Variants in COA1 observed in about 807,000 individuals in gnomAD.
COA1 encodes the protein cytochrome c oxidase assembly factor 1 homolog.
In COA1, 13 loss-of-function variants were observed where a neutral mutation model predicts 16.0. The ratio of observed to expected loss-of-function variants is 0.81; its 90% CI spans 0.53 to 1.29. The LOEUF (loss-of-function observed/expected upper bound fraction) is 1.29. Ranked by LOEUF, COA1 falls within the 50% of genes most tolerant of loss-of-function variation. The pLI is 0.00. For missense variants in COA1, 179 were observed against 177.0 expected (o/e 1.01, Z -0.06); for synonymous variants, 65 against 65.7 (o/e 0.99, Z 0.05).
intron 6 of COA1, chr7:43,624,031 G>A (rs2084215975): frequency 3.5e-6 from 2 of 575,816 alleles, no homozygotes; most frequent in Non-Finnish European, 5.3e-6. Flanking sequence ...ACACAAAAAT[G>A]TTGACATAAA....
At chr7:43,706,409 A>G (rs982331078) in intron 1 of COA1, among the ~76,000 whole-genome samples, 7 of 151,998 alleles carry the variant, frequency 4.6e-5, no homozygotes, top group East Asian at 1.9e-4. Context: ...TTAACCAGAC[A>G]TGGTGGCACA....
At chr7:43,710,390 ATATATT>A (rs1292488949) in intron 1 of COA1, among the ~76,000 whole-genome samples, 3 of 137,088 alleles carry the variant, frequency 2.2e-5, no homozygotes, top group Non-Finnish European at 4.7e-5. Flanking sequence ...ATATATATAT[ATATATT>A]TTTAAGATAT....
rs889464191 is a variant in COA1, at chr7:43,716,045, T to A, written c.-39+13384A>T. On this transcript the variant is annotated intron_variant, in intron 1 of 5. Coordinates refer to ENST00000223336, the MANE Select transcript of COA1 (RefSeq NM_018224.4). ...TGATTGTGAGGCTTCCCCAGCCACATGGAACTGTAAGTCCAATTAAACCTC... is the reference window on the plus strand; with the variant it reads ...TGATTGTGAGGCTTCCCCAGCCACAAGGAACTGTAAGTCCAATTAAACCTC... Among the ~76,000 whole-genome samples the A allele has an allele frequency of 4.6e-5, 7 of 152,218 alleles. No homozygotes were observed. The South Asian group carries it at 1.4e-3, about 32-fold the overall frequency.
intron 2 of COA1, 108 bp from the exon 3 acceptor site, chr7:43,647,742 G>T: frequency 1.3e-6 from 1 of 783,036 alleles, no homozygotes; most frequent in Non-Finnish European, 2.1e-6. Context: ...AGCCAGAAAG[G>T]AGGCCAGACC....
At chr7:43,678,029 C>G (rs1488883599) in intron 1 of COA1, among the ~76,000 whole-genome samples, 2 of 152,092 alleles carry the variant, frequency 1.3e-5, no homozygotes, top group Non-Finnish European at 2.9e-5. Flanking sequence ...CAATTTCCCT[C>G]CTAGAGGATT....
At chr7:43,683,484 G>C (rs1272206196) in intron 1 of COA1, among the ~76,000 whole-genome samples, 1 of 151,908 alleles carries the variant, frequency 6.6e-6, no homozygotes, top group East Asian at 1.9e-4. Context: ...AATACAAAAA[G>C]TTAGCCAGGC....
intron 1 of COA1, among the ~76,000 whole-genome samples, chr7:43,674,044 G>A (rs1260000670): frequency 1.3e-5 from 2 of 152,074 alleles, no homozygotes; most frequent in African/African-American, 4.8e-5. Flanking sequence ...CTACCTATCA[G>A]GTTCTATGCT....
chr7:43,704,992 C>A (rs1585235297), intron 1 of COA1, among the ~76,000 whole-genome samples: 1 of 152,154 alleles, frequency 6.6e-6, no homozygotes, highest in South Asian at 2.1e-4. Context: ...TTTTTATATT[C>A]TTTGATGCTC....
chr7:43,690,412 TAC>T (rs1431747351), intron 1 of COA1, among the ~76,000 whole-genome samples: 1 of 152,108 alleles, frequency 6.6e-6, no homozygotes, highest in Non-Finnish European at 1.5e-5. Context: ...TATATGTATG[TAC>T]AGACACACAT....
chr7:43,687,770 A>G (rs964882988), intron 1 of COA1, among the ~76,000 whole-genome samples: 6 of 152,160 alleles, frequency 3.9e-5, no homozygotes, highest in African/African-American at 1.4e-4. Context: ...TGAGCATCCC[A>G]AAACCTAAAA....
At chr7:43,647,724 A>T (rs1019793023) in intron 2 of COA1, 90 bp from the exon 3 acceptor site, 1 of 954,344 alleles carries the variant, frequency 1.0e-6, no homozygotes, top group African/African-American at 1.6e-5. Flanking sequence ...GGAAAGAAGC[A>T]TTAAGGAAGC....
rs146910163 is a variant in COA1 at position 43,726,914 on chromosome 7, A to C, written c.-39+2515T>G. 2.6e-4 allele frequency among the ~76,000 whole-genome samples: 40 copies of C among 152,378 alleles called. No individual in the cohort carries two copies. In the East Asian group the frequency reaches 4.2e-3, roughly 16 times the overall value. On this transcript the variant is annotated intron_variant, in intron 1 of 5. Coordinates refer to ENST00000223336, the MANE Select transcript of COA1 (RefSeq NM_018224.4). ...CTCCAAAGAAGATAAATAAATGGGC[A>C]ATAAGCACTTGAAAAGATGCTCAAC... is the stretch of plus-strand genomic sequence containing the variant.
intron 1 of COA1, among the ~76,000 whole-genome samples, chr7:43,667,089 G>A (rs1293750510): frequency 2.0e-5 from 3 of 152,224 alleles, no homozygotes; most frequent in Non-Finnish European, 4.4e-5. Flanking sequence ...ATAAATTAAT[G>A]CAAGGGTAAA....
At chr7:43,707,158 C>A (rs1563437638) in intron 1 of COA1, among the ~76,000 whole-genome samples, 1 of 152,186 alleles carries the variant, frequency 6.6e-6, no homozygotes, top group Non-Finnish European at 1.5e-5. Flanking sequence ...CCACTGCACT[C>A]CAGCCTGAGT....
chr7:43,613,958 A>T (rs1205587630), intron 6 of COA1, among the ~76,000 whole-genome samples: 1 of 152,214 alleles, frequency 6.6e-6, no homozygotes, highest in African/African-American at 2.4e-5. Context: ...ACTTGAAAGC[A>T]GGGGTAATAA....
chr7:43,647,553 C>A lies in COA1; in HGVS notation c.97G>T (p.Val33Leu). The A allele has an allele frequency of 6.2e-7, 1 of 1,613,892 alleles. No homozygotes were observed. Among genetic ancestry groups the A allele is most frequent in the Non-Finnish European group, 8.5e-7 (1 of 1,179,742 alleles). Residue 33 changes from valine to leucine, a missense_variant, in exon 3 of 6, where the codon GTG (valine) becomes TTG (leucine). Val to Leu is a conservative substitution (Grantham distance 32, BLOSUM62 1). Transcript: ENST00000223336. ...TACTTACTTTGAATGAGGTAATACA[C>A]AATGGCAAAGCCCCCGGCATAGAAC... Reference protein sequence around the residue: ...GVFYAGGFAIVYYLIQKFHSR... With the variant: ...GVFYAGGFAILYYLIQKFHSR...
chr7:43,670,152 T>C lies in COA1; in HGVS notation c.-38-21500A>G, dbSNP rs376993609. Among the ~76,000 whole-genome samples the C allele has an allele frequency of 4.6e-5, 7 of 152,144 alleles. No homozygotes were observed. The East Asian group carries it at 1.2e-3, about 25-fold the overall frequency. On this transcript the variant is annotated intron_variant, in intron 1 of 5. Transcript: ENST00000223336. ...AGGTTTATGCATATATTAATGGATG[T>C]GTATAAAACATTCAGGCCAGGCACA...
At chr7:43,723,319 T>C (rs1272476659) in intron 1 of COA1, among the ~76,000 whole-genome samples, 1 of 152,094 alleles carries the variant, frequency 6.6e-6, no homozygotes, top group Non-Finnish European at 1.5e-5. Flanking sequence ...CCACAATAAT[T>C]TGCAGTTCCA....
At chr7:43,720,078 A>C (rs2095476146) in intron 1 of COA1, among the ~76,000 whole-genome samples, 1 of 151,998 alleles carries the variant, frequency 6.6e-6, no homozygotes, top group East Asian at 1.9e-4. Context: ...CAGGAGTTCA[A>C]GACCAGCCTG....
Sources: gnomAD v4.1 joint callset for allele counts (sites outside exome capture counted in the v4.1 genomes callset) on GRCh38, gnomAD v4.1.1 for gene constraint, MANE v1.5 for transcripts, NCBI Gene and HGNC (gene_info 2026-07-23, HGNC 2026-07-21) for gene names.